SOAT1: variants seen among roughly 807,000 people sequenced by gnomAD.
SOAT1 encodes acyl-coenzyme A:cholesterol acyltransferase 1.
Under a neutral mutation model 69.5 loss-of-function variants are expected in SOAT1, and 55 were observed. The ratio of observed to expected loss-of-function variants is 0.79; its 90% confidence interval spans 0.64 to 0.99. The LOEUF (loss-of-function observed/expected upper bound fraction) is 0.99, where lower values mean the gene tolerates loss of function less well. Among genes scored for constraint, SOAT1 ranks in the 50% least tolerant of loss-of-function variants. SOAT1 has a pLI of 0.00. For synonymous variants in SOAT1, 231 were observed against 224.7 expected, an observed-to-expected ratio of 1.03 and a Z score of -0.25; for missense variants, 580 against 669.3, an observed-to-expected ratio of 0.87 and a Z score of 1.47.
At chr1:179,351,224 A>T (rs1558060824) in intron 14 of SOAT1, 93 bp from the exon 15 acceptor site, 6 of 1,071,732 alleles carry the variant, frequency 5.6e-6, no homozygotes, top group Non-Finnish European at 6.9e-6. Context: ...TTGTATTTTT[A>T]ATAGAGATGG....
intron 3 of SOAT1, among the ~76,000 whole-genome samples, chr1:179,329,861 A>G (rs1665915950): frequency 6.6e-6 from 1 of 152,218 alleles, no homozygotes; most frequent in South Asian, 2.1e-4. Context: ...AATAGTGAAC[A>G]AAATAATAGG....
At chr1:179,323,773 G>A (rs541648962) in intron 3 of SOAT1, among the ~76,000 whole-genome samples, 1 of 152,298 alleles carries the variant, frequency 6.6e-6, no homozygotes, top group South Asian at 2.1e-4. Context: ...AGCGTTGAAT[G>A]TCTGTATGAG....
At chr1:179,344,090 C>T (rs895679204) in intron 10 of SOAT1, among the ~76,000 whole-genome samples, 11 of 151,934 alleles carry the variant, frequency 7.2e-5, no homozygotes, top group Non-Finnish European at 1.0e-4. Context: ...CTCTGCACTC[C>T]AGCCTGGGCG....
In SOAT1 at chr1:179,344,352, G is replaced by GTTTTTTTTTTTTTTTTTTTT. The variant is rs762911049; in HGVS notation, c.988-595_988-594insTTTTTTTTTTTTTTTTTTTT. Among the ~76,000 whole-genome samples, 5 of 120,524 alleles carry GTTTTTTTTTTTTTTTTTTTT rather than the reference G, an allele frequency of 4.1e-5. 1 individual carries two copies. Among genetic ancestry groups the GTTTTTTTTTTTTTTTTTTTT allele is most frequent in the African/African-American group, 6.0e-5 (2 of 33,266 alleles). 79.1% of individuals were successfully genotyped at this position (120,524 alleles called of 152,430 possible). ...TATGAAGTAAGTTCTTTCATTAAGG[G>GTTTTTTTTTTTTTTTTTTTT]GTTTTTTTTTTTTTTTTTTTTTTTT... On this transcript the variant is annotated intron_variant, in intron 10 of 15. Coordinates refer to ENST00000367619, the MANE Select transcript of SOAT1 (RefSeq NM_003101.6).
chr1:179,319,228 CT>C (rs977591598), intron 2 of SOAT1, among the ~76,000 whole-genome samples: 18 of 110,214 alleles, frequency 1.6e-4, no homozygotes, highest in African/African-American at 4.7e-4. Context: ...GGTTATTGGG[CT>C]TTTTTTTTTA....
intron 1 of SOAT1, among the ~76,000 whole-genome samples, chr1:179,301,066 A>C (rs993858413): frequency 2.0e-5 from 3 of 152,070 alleles, no homozygotes; most frequent in African/African-American, 7.2e-5. Flanking sequence ...TTGCACTCCC[A>C]CCTGGGCAAA....
chr1:179,346,026 A>T (rs564609121), intron 11 of SOAT1, among the ~76,000 whole-genome samples: 1 of 152,156 alleles, frequency 6.6e-6, no homozygotes, highest in Non-Finnish European at 1.5e-5. Flanking sequence ...GGGAGCTTTT[A>T]TAGTTTCCCT....
rs1251385472 is a variant in SOAT1, at chr1:179,351,410, T to C, written c.1544T>C (p.Leu515Pro). The change falls in exon 15 of 16, where the codon CTC becomes CCC. Residue 515 changes from leucine to proline, a missense_variant. By Grantham distance (98) the Leu-to-Pro change is moderately conservative. Transcript: ENST00000367619. Reference protein sequence around the residue: ...TSLFLGNGVLLCFYSQEWYAR... With the variant: ...TSLFLGNGVLPCFYSQEWYAR... ...CTTTTCTTGGGCAATGGAGTCTTAC[T>C]CTGCTTTTATTCTCAAGAATGGTAT... The C allele has an allele frequency of 1.2e-6, 2 of 1,614,042 alleles. No individual in the cohort carries two copies. The highest frequency in any genetic ancestry group is 1.7e-6 in the Non-Finnish European group (2 of 1,180,012).
rs372263601 is a variant in SOAT1, at chr1:179,319,355, C to T, written c.119-4082C>T. On this transcript the variant is annotated intron_variant, in intron 2 of 15. Transcript: ENST00000367619. ...CGCGATCTCGGCTCACTGCAACCTC[C>T]GCCTCCTGGGTTCAAGCTATTCACC... Among the ~76,000 whole-genome samples, 8 of 151,608 alleles carry T rather than the reference C, an allele frequency of 5.3e-5. No individual in the cohort carries two copies. The East Asian group carries it at 7.8e-4, about 15-fold the overall frequency.
intron 2 of SOAT1, among the ~76,000 whole-genome samples, chr1:179,306,208 A>T (rs191610061): frequency 6.6e-6 from 1 of 152,302 alleles, no homozygotes; most frequent in Non-Finnish European, 1.5e-5. Context: ...AGAAGTAAGT[A>T]AGAAGATAAG....
Position 179,356,196 on chromosome 1 carries a change from G to A in SOAT1, c.*2555G>A, listed in dbSNP as rs1411559579. ...TAATAAGCTTAAAGTTTTTGTTTCT[G>A]TAAGATGTAATGATAGTAACTATTA... On this transcript the variant is annotated 3_prime_UTR_variant, in exon 16 of 16. Transcript: ENST00000367619. 6.6e-6 allele frequency: 1 copy of A among 152,086 alleles called. No individual in the cohort carries two copies. The highest frequency in any genetic ancestry group is 2.4e-5 in the African/African-American group (1 of 41,414). 9.4% of individuals were successfully genotyped at this position (152,086 alleles called of 1,614,324 possible).
chr1:179,296,122 A>T (rs2484442), intron 1 of SOAT1, among the ~76,000 whole-genome samples: 2 of 150,792 alleles, frequency 1.3e-5, no homozygotes, highest in Admixed American at 1.3e-4. Context: ...CGCCCAGCTC[A>T]CCCGGCTAAT....
intron 11 of SOAT1, 35 bp from the exon 12 acceptor site, chr1:179,347,565 G>A (rs1304685900): frequency 1.6e-6 from 2 of 1,258,560 alleles, no homozygotes; most frequent in East Asian, 2.3e-5. Context: ...TGAGCTATTT[G>A]GAAAGACTGT....
At chr1:179,313,803 C>A (rs1333971550) in intron 2 of SOAT1, among the ~76,000 whole-genome samples, 1 of 152,084 alleles carries the variant, frequency 6.6e-6, no homozygotes, top group Admixed American at 6.6e-5. Flanking sequence ...AGGCTGGTCT[C>A]GAACTCCTGA....
rs1666864526 is a variant in SOAT1, at chr1:179,355,069, C to T, written c.*1428C>T. 6.6e-6 allele frequency: 1 copy of T among 152,186 alleles called. No individual in the cohort carries two copies. The highest frequency in any genetic ancestry group is 2.4e-5 in the African/African-American group (1 of 41,444). 9.4% of individuals were successfully genotyped at this position (152,186 alleles called of 1,614,324 possible). A position where few individuals can be genotyped will look rare whatever the true frequency, so the allele number is the denominator to read the frequency against. On this transcript the variant is annotated 3_prime_UTR_variant, in exon 16 of 16. Coordinates refer to ENST00000367619, the MANE Select transcript of SOAT1 (RefSeq NM_003101.6). ...ACAAGTATCCAGCTTAATCACGTAT[C>T]TTACTCACGATACCACTGGTCCAGA...
At chr1:179,321,496 G>A (rs1665601584) in intron 2 of SOAT1, among the ~76,000 whole-genome samples, 2 of 152,136 alleles carry the variant, frequency 1.3e-5, no homozygotes, top group Admixed American at 6.5e-5. Context: ...TATCATTCAT[G>A]TTCACCTTAA....
intron 3 of SOAT1, among the ~76,000 whole-genome samples, chr1:179,333,257 C>G (rs1666030893): frequency 6.6e-6 from 1 of 152,086 alleles, no homozygotes; most frequent in African/African-American, 2.4e-5. Context: ...AGACCGTTAT[C>G]CATGTGTAAT....
intron 2 of SOAT1, among the ~76,000 whole-genome samples, chr1:179,319,580 A>G (rs1405623212): frequency 6.6e-5 from 10 of 151,682 alleles, no homozygotes; most frequent in East Asian, 5.8e-4. Context: ...TACTTTGCCT[A>G]TGTTTTAATT....
intron 3 of SOAT1, among the ~76,000 whole-genome samples, chr1:179,324,258 T>TA: frequency 6.6e-6 from 1 of 152,354 alleles, no homozygotes; most frequent in East Asian, 1.9e-4. Context: ...TTATTTATAC[T>TA]CACTTTGATG....
Sources: allele counts gnomAD v4.1 joint callset (sites outside exome capture counted in the v4.1 genomes callset), GRCh38; gene constraint gnomAD v4.1.1; transcripts MANE v1.5; gene names NCBI Gene and HGNC (gene_info 2026-07-23, HGNC 2026-07-21).